Variants in OXR1 observed in about 807,000 individuals in gnomAD.
OXR1 encodes the protein oxidation resistance protein 1.
Under a neutral mutation model 104.6 loss-of-function variants are expected in OXR1, and 41 were observed. The observed-to-expected ratio is 0.39, with a 90% CI of 0.31 to 0.51. The LOEUF (loss-of-function observed/expected upper bound fraction) is 0.51. Among genes scored for constraint, OXR1 ranks in the 20% least tolerant of loss-of-function variants. The pLI, the probability that OXR1 is intolerant of heterozygous loss-of-function variation, is 0.77. For synonymous variants in OXR1, 348 were observed against 348.4 expected (o/e 1.00, Z 0.01); for missense variants, 955 against 1,031.9 (o/e 0.93, Z 1.02).
intron 2 of OXR1, among the ~76,000 whole-genome samples, chr8:106,389,380 C>T (rs906423689): frequency 1.3e-5 from 2 of 152,196 alleles, no homozygotes; most frequent in Admixed American, 1.3e-4. Context: ...TTAAATGAGG[C>T]ATGTCTGTAT....
At chr8:106,521,716 G>A (rs574590350) in intron 3 of OXR1, among the ~76,000 whole-genome samples, 13 of 152,252 alleles carry the variant, frequency 8.5e-5, no homozygotes, top group African/African-American at 1.4e-4. Flanking sequence ...GTTTCACTGC[G>A]TTAGCCAGGA....
intron 2 of OXR1, among the ~76,000 whole-genome samples, chr8:106,405,270 A>C (rs930636513): frequency 3.8e-4 from 56 of 146,218 alleles, no homozygotes; most frequent in African/African-American, 1.4e-3. Flanking sequence ...GAGGCTGGAA[A>C]GTCCTACAAT....
At chr8:106,529,785 C>T (rs1033376744) in intron 3 of OXR1, among the ~76,000 whole-genome samples, 3 of 152,114 alleles carry the variant, frequency 2.0e-5, no homozygotes, top group African/African-American at 7.2e-5. Flanking sequence ...TGAGCTACAG[C>T]CTAATAGTCT....
chr8:106,661,954 A>G (rs1196504193), intron 3 of OXR1, among the ~76,000 whole-genome samples: 1 of 152,074 alleles, frequency 6.6e-6, no homozygotes, highest in Non-Finnish European at 1.5e-5. Context: ...AACTCCTCTG[A>G]TGTTGGGATG....
intron 3 of OXR1, among the ~76,000 whole-genome samples, chr8:106,551,791 T>TAC (rs761864766): frequency 1.7e-3 from 132 of 79,716 alleles, no homozygotes; most frequent in Non-Finnish European, 2.5e-3. Flanking sequence ...CCACTATACA[T>TAC]ATATATATAT....
intron 2 of OXR1, among the ~76,000 whole-genome samples, chr8:106,397,045 T>C (rs552316595): frequency 7.9e-5 from 12 of 152,100 alleles, no homozygotes; most frequent in Non-Finnish European, 1.3e-4. Context: ...TATTAAAATA[T>C]GTATGTGTAA....
At chr8:106,417,611 A>G (rs1818731503) in intron 2 of OXR1, among the ~76,000 whole-genome samples, 1 of 152,164 alleles carries the variant, frequency 6.6e-6, no homozygotes, top group Admixed American at 6.6e-5. Flanking sequence ...CTGTCTACAA[A>G]AACTCTTACT....
intron 11 of OXR1, among the ~76,000 whole-genome samples, chr8:106,726,856 A>T (rs754604494): frequency 1.3e-5 from 2 of 152,130 alleles, no homozygotes; most frequent in Non-Finnish European, 2.9e-5. Flanking sequence ...TAAGAATTTT[A>T]TTTATTTTTC....
intron 3 of OXR1, among the ~76,000 whole-genome samples, chr8:106,667,988 A>T (rs898226087): frequency 1.3e-5 from 2 of 151,888 alleles, no homozygotes; most frequent in Non-Finnish European, 2.9e-5. Flanking sequence ...AAAGAAAAAA[A>T]ATTACAGATA....
At chr8:106,565,913 C>G (rs1271613218) in intron 3 of OXR1, among the ~76,000 whole-genome samples, 1 of 152,146 alleles carries the variant, frequency 6.6e-6, no homozygotes, top group Non-Finnish European at 1.5e-5. Context: ...GGAAAACTGA[C>G]TAACCTTATG....
intron 2 of OXR1, among the ~76,000 whole-genome samples, chr8:106,380,492 G>C (rs1386695001): frequency 1.3e-5 from 2 of 152,208 alleles, no homozygotes; most frequent in Non-Finnish European, 2.9e-5. Flanking sequence ...CTTAGAAATA[G>C]AATGATTGGT....
Position 106,698,037 on chromosome 8 carries a change from G to T in OXR1, c.676-4869G>T, listed in dbSNP as rs1830231347. 7 of 1,572,096 alleles carry T rather than the reference G, an allele frequency of 4.5e-6. No individual in the cohort carries two copies. The South Asian group carries it at 7.8e-5, about 17-fold the overall frequency. ...ATTCCAATGGGTGGCGGTGGCTGCG[G>T]GGAGCGTTCAAACGGGCTGGAGAGC... On this transcript the variant is annotated intron_variant, in intron 7 of 16. Transcript: ENST00000517566.
intron 2 of OXR1, among the ~76,000 whole-genome samples, chr8:106,394,811 C>T (rs866799742): frequency 3.3e-5 from 5 of 152,178 alleles, no homozygotes; most frequent in Middle Eastern, 3.4e-3. Flanking sequence ...GGGACTGTTT[C>T]ACATGCTACT....
chr8:106,526,600 T>G (rs1813685537), intron 3 of OXR1, among the ~76,000 whole-genome samples: 1 of 152,364 alleles, frequency 6.6e-6, no homozygotes, highest in Middle Eastern at 3.4e-3. Flanking sequence ...TGGAGTGCAG[T>G]GGCGCAATCT....
In OXR1 at chr8:106,640,692, T is replaced by C. The variant is rs72682817; in HGVS notation, c.221-38518T>C. Among the ~76,000 whole-genome samples, 638 of 152,294 alleles carry C rather than the reference T, an allele frequency of 4.2e-3. 1 individual carries two copies. Among genetic ancestry groups the C allele is most frequent in the Middle Eastern group, 0.017 (5 of 294 alleles). Reference sequence around the variant, plus strand: ...ATTTATTTCTTTGCAAATCAATTTTTAGAAATACCCTAAACTGATTATATT... The same window carrying C: ...ATTTATTTCTTTGCAAATCAATTTTCAGAAATACCCTAAACTGATTATATT... On this transcript the variant is annotated intron_variant, in intron 3 of 16. Coordinates refer to ENST00000517566, the MANE Select transcript of OXR1 (RefSeq NM_001198533.2).
chr8:106,485,814 G>C (rs1446037972), intron 2 of OXR1, among the ~76,000 whole-genome samples: 1 of 152,024 alleles, frequency 6.6e-6, no homozygotes, highest in Non-Finnish European at 1.5e-5. Flanking sequence ...GGATAACATG[G>C]ATGAACCTGG....
At chr8:106,578,966 AG>A (rs1334688717) in intron 3 of OXR1, among the ~76,000 whole-genome samples, 8 of 144,516 alleles carry the variant, frequency 5.5e-5, no homozygotes, top group Admixed American at 3.5e-4. Context: ...GTGACCACCT[AG>A]GTAACCTCAC....
intron 11 of OXR1, among the ~76,000 whole-genome samples, chr8:106,718,363 TAC>T (rs1243266194): frequency 6.6e-6 from 1 of 152,196 alleles, no homozygotes; most frequent in African/African-American, 2.4e-5. Context: ...AACATATATT[TAC>T]TAAGAAAAAG....
At chr8:106,569,939 C>A (rs1342201316) in intron 3 of OXR1, among the ~76,000 whole-genome samples, 1 of 152,134 alleles carries the variant, frequency 6.6e-6, no homozygotes, top group Non-Finnish European at 1.5e-5. Context: ...TTATTTATAT[C>A]TCTAGGTGCA....
Sources: allele counts gnomAD v4.1 joint callset (sites outside exome capture counted in the v4.1 genomes callset), GRCh38; gene constraint gnomAD v4.1.1; transcripts MANE v1.5; gene names NCBI Gene and HGNC (gene_info 2026-07-23, HGNC 2026-07-21).